Variants in MALT1 observed in about 807,000 individuals in gnomAD.
MALT1 encodes the protein mucosa-associated lymphoid tissue lymphoma translocation protein 1.
MALT1 carries 36 observed loss-of-function variants against 85.5 expected under a neutral mutation model. The ratio of observed to expected loss-of-function variants is 0.42; its 90% CI spans 0.32 to 0.56. The LOEUF (loss-of-function observed/expected upper bound fraction) is 0.56, where lower values mean the gene tolerates loss of function less well. Among genes scored for constraint, MALT1 ranks in the 20% least tolerant of loss-of-function variants. The pLI is 0.10. For missense variants in MALT1, 716 were observed against 981.6 expected (o/e 0.73, Z 3.62); for synonymous variants, 359 against 361.3 (o/e 0.99, Z 0.07).
intron 14 of MALT1, among the ~76,000 whole-genome samples, chr18:58,743,332 C>T (rs1414114357): frequency 3.3e-5 from 5 of 152,086 alleles, no homozygotes; most frequent in Non-Finnish European, 7.4e-5. Context: ...GCTGAGGTCA[C>T]GCCATTGCAC....
intron 1 of MALT1, among the ~76,000 whole-genome samples, chr18:58,676,169 C>G (rs1297235155): frequency 6.6e-6 from 1 of 152,144 alleles, no homozygotes; most frequent in African/African-American, 2.4e-5. Flanking sequence ...CAGTCTGTTA[C>G]CAATATAGCA....
chr18:58,704,715 A>G (rs2054721106), intron 4 of MALT1, among the ~76,000 whole-genome samples: 1 of 152,190 alleles, frequency 6.6e-6, no homozygotes, highest in South Asian at 2.1e-4. Context: ...AAGTGCTGGG[A>G]TTACTGGCAT....
chr18:58,735,377 G>A, intron 13 of MALT1, 48 bp downstream of exon 13: 1 of 1,555,348 alleles, frequency 6.4e-7, no homozygotes, highest in African/African-American at 1.4e-5. Context: ...GGAGAGCAGG[G>A]GAGACACACC....
rs1460018028 is a variant in MALT1 at position 58,751,856 on chromosome 18, AGAAAT to A, written c.*4015_*4019del. Reference sequence around the variant, plus strand: ...TATAAATTGTATATTTCCTAATAAAAGAAATCTCAACTCATGGGACAATTTGAATT... The same window carrying A: ...TATAAATTGTATATTTCCTAATAAAACTCAACTCATGGGACAATTTGAATT... On this transcript the variant is annotated 3_prime_UTR_variant, in exon 17 of 17. Transcript: ENST00000649217. The A allele has an allele frequency of 6.6e-6, 1 of 152,270 alleles. No individual in the cohort carries two copies. The highest frequency in any genetic ancestry group is 1.5e-5 in the Non-Finnish European group (1 of 68,052). The allele number at this position is 152,270 out of a possible 1,614,324, so 9.4% of individuals were successfully genotyped here. A position where few individuals can be genotyped will look rare whatever the true frequency, so the allele number is the denominator to read the frequency against.
intron 1 of MALT1, among the ~76,000 whole-genome samples, chr18:58,680,719 C>G (rs1027869178): frequency 2.6e-5 from 4 of 151,934 alleles, no homozygotes; most frequent in Non-Finnish European, 4.4e-5. Context: ...GTCAGGAGAT[C>G]GAGACCATCC....
intron 2 of MALT1, among the ~76,000 whole-genome samples, chr18:58,683,546 T>A (rs555512437): frequency 6.6e-6 from 1 of 152,366 alleles, no homozygotes; most frequent in Admixed American, 6.5e-5. Flanking sequence ...GAAACCGGGC[T>A]TGACTGAAAT....
Position 58,700,434 on chromosome 18 carries a change from T to G in MALT1, c.499-7T>G. The G allele has an allele frequency of 1.3e-6, 2 of 1,590,776 alleles. No individual in the cohort carries two copies. The highest frequency in any genetic ancestry group is 1.7e-6 in the Non-Finnish European group (2 of 1,172,216). The stretch of plus-strand genomic sequence containing the variant: ...GTCATCCACTTCTCTTATTGATTCT[T>G]TCACAGATTCCAAATGGAAATACAT... On this transcript the variant is annotated splice_region_variant and splice_polypyrimidine_tract_variant and intron_variant, in intron 3 of 16. Coordinates refer to ENST00000649217, the MANE Select transcript of MALT1 (RefSeq NM_006785.4).
chr18:58,727,909 A>C (rs139116962), intron 10 of MALT1, among the ~76,000 whole-genome samples: 115 of 152,154 alleles, frequency 7.6e-4, no homozygotes, highest in African/African-American at 2.7e-3. Context: ...AATATTACCT[A>C]CTTTGTTGTG....
intron 2 of MALT1, chr18:58,690,893 TG>T: frequency 4.5e-6 from 1 of 223,566 alleles, no homozygotes; most frequent in Non-Finnish European, 9.4e-6. Flanking sequence ...TGCCTGTCTC[TG>T]GCACTGTACT....
chr18:58,687,708 A>C (rs2054425816), intron 2 of MALT1, among the ~76,000 whole-genome samples: 1 of 152,388 alleles, frequency 6.6e-6, no homozygotes, highest in South Asian at 2.1e-4. Context: ...AAACTACATC[A>C]ACATTTAAAT....
At chr18:58,680,888 A>C (rs1041919712) in intron 1 of MALT1, among the ~76,000 whole-genome samples, 4 of 142,280 alleles carry the variant, frequency 2.8e-5, no homozygotes, top group African/African-American at 7.7e-5. Flanking sequence ...GCGCCACTGC[A>C]GTCCGCAGTC....
intron 7 of MALT1, among the ~76,000 whole-genome samples, chr18:58,713,714 C>G (rs1028588370): frequency 1.3e-5 from 2 of 152,218 alleles, no homozygotes; most frequent in Non-Finnish European, 2.9e-5. Flanking sequence ...TCTCTCTGCA[C>G]TACCTTCACA....
intron 4 of MALT1, among the ~76,000 whole-genome samples, chr18:58,708,320 A>G (rs1190105528): frequency 6.6e-6 from 1 of 152,160 alleles, no homozygotes; most frequent in African/African-American, 2.4e-5. Context: ...TGAGGATCTA[A>G]TTGGTCATGC....
intron 1 of MALT1, chr18:58,673,917 A>G (rs1351624506): frequency 6.7e-6 from 1 of 150,236 alleles, no homozygotes; most frequent in African/African-American, 2.5e-5. Flanking sequence ...TGTTCTAGGA[A>G]AAACACGTTG....
In MALT1 at chr18:58,749,796, T is replaced by A; in HGVS notation, c.*1954T>A. On this transcript the variant is annotated 3_prime_UTR_variant, in exon 17 of 17. Coordinates refer to ENST00000649217, the MANE Select transcript of MALT1 (RefSeq NM_006785.4). ...TCAACAAACTTAGGAATAAAAGGAA[T>A]CTTCCTAGATATGATAAATATAACA... is the stretch of plus-strand genomic sequence containing the variant. 1 of 212,928 alleles carries A rather than the reference T, an allele frequency of 4.7e-6. No homozygotes were observed. The highest frequency in any genetic ancestry group is 9.5e-6 in the Non-Finnish European group (1 of 105,174). 13.2% of individuals were successfully genotyped at this position (212,928 alleles called of 1,614,324 possible).
intron 7 of MALT1, 47 bp from the exon 8 acceptor site, chr18:58,714,036 A>G: frequency 1.1e-6 from 1 of 904,728 alleles, no homozygotes; most frequent in South Asian, 1.4e-5. Context: ...ATTTGTGCTA[A>G]ATTGGTGTTT....
In MALT1 at chr18:58,720,872, A is replaced by G. The variant is rs768479096; in HGVS notation, c.1019-2176A>G. 2.6e-5 allele frequency among the ~76,000 whole-genome samples: 4 copies of G among 152,260 alleles called. No individual in the cohort carries two copies. The East Asian group carries it at 5.8e-4, about 22-fold the overall frequency. On this transcript the variant is annotated intron_variant, in intron 9 of 16. Coordinates refer to ENST00000649217, the MANE Select transcript of MALT1 (RefSeq NM_006785.4). ...CTTTTTAACCTCTTGCTGTAAACCT[A>G]TGATTTGGACTATAATGATGTAAAG...
Position 58,751,313 on chromosome 18 carries a change from G to A in MALT1, c.*3471G>A, listed in dbSNP as rs1339765007. The A allele has an allele frequency of 6.6e-6, 1 of 152,136 alleles. No individual in the cohort carries two copies. Among genetic ancestry groups the A allele is most frequent in the East Asian group, 1.9e-4 (1 of 5,202 alleles). 9.4% of individuals were successfully genotyped at this position (152,136 alleles called of 1,614,324 possible). On this transcript the variant is annotated 3_prime_UTR_variant, in exon 17 of 17. Transcript: ENST00000649217. ...AATACAAAAAAATTAGCTGGGCATG[G>A]TGGCACACACCTGTAATCCCAGCTA... is the stretch of plus-strand genomic sequence containing the variant.
intron 13 of MALT1, among the ~76,000 whole-genome samples, chr18:58,740,546 T>G (rs2055288154): frequency 6.6e-6 from 1 of 152,152 alleles, no homozygotes; most frequent in African/African-American, 2.4e-5. Context: ...AATATTATCT[T>G]TAATTTTCAA....
Sources: allele counts gnomAD v4.1 joint callset (sites outside exome capture counted in the v4.1 genomes callset), GRCh38; gene constraint gnomAD v4.1.1; transcripts MANE v1.5; gene names NCBI Gene and HGNC (gene_info 2026-07-23, HGNC 2026-07-21).